The following PLCL1 variants were observed in gnomAD, a reference collection of about 807,000 sequenced individuals.
PLCL1 encodes the protein phospholipase C like 1 (inactive), also known as inactive phospholipase C-like protein 1.
In PLCL1, 41 loss-of-function variants were observed where a neutral mutation model predicts 84.4. The ratio of observed to expected loss-of-function variants is 0.49; its 90% confidence interval spans 0.38 to 0.63. The LOEUF is 0.63. Ranked by LOEUF, PLCL1 falls within the 30% of genes least tolerant of loss-of-function variation. The probability of loss-of-function intolerance (pLI) is 0.00; values close to 1 mark genes in which losing one functional copy is unlikely to be tolerated. For synonymous variants in PLCL1, 490 were observed against 488.3 expected, an observed-to-expected ratio of 1.00 and a Z score of -0.05; for missense variants, 1,206 against 1,367.8, an observed-to-expected ratio of 0.88 and a Z score of 1.87.
At chr2:197,896,606 G>C (rs1390253719) in intron 1 of PLCL1, among the ~76,000 whole-genome samples, 1 of 152,030 alleles carries the variant, frequency 6.6e-6, no homozygotes, top group African/African-American at 2.4e-5. Flanking sequence ...ATGTGAGAAT[G>C]GTGCTTAACA....
intron 1 of PLCL1, among the ~76,000 whole-genome samples, chr2:197,968,703 C>A (rs956533475): frequency 1.3e-5 from 2 of 152,114 alleles, no homozygotes; most frequent in African/African-American, 4.8e-5. Context: ...GTACAGGATG[C>A]TGATTAGGAA....
rs148957561 is a variant in PLCL1 at position 197,915,640 on chromosome 2, C to A, written c.240+110301C>A. Among the ~76,000 whole-genome samples, 89 of 152,078 alleles carry A rather than the reference C, an allele frequency of 5.9e-4. 4 individuals are homozygous for A. The South Asian group carries it at 0.014, about 24-fold the overall frequency. ...TTCTTCATAGCATGTGCTCCTTTCA[C>A]AGAAGCAGCTTGTTAATCGTCAGGA... On this transcript the variant is annotated intron_variant, in intron 1 of 5. Transcript: ENST00000428675.
At chr2:197,905,015 C>A (rs10198606) in intron 1 of PLCL1, among the ~76,000 whole-genome samples, 9 of 152,084 alleles carry the variant, frequency 5.9e-5, no homozygotes, top group Non-Finnish European at 1.0e-4. Flanking sequence ...CCATAGGTGA[C>A]TCTGATAAAG....
intron 1 of PLCL1, among the ~76,000 whole-genome samples, chr2:198,015,967 T>C (rs1277813313): frequency 6.6e-6 from 1 of 152,238 alleles, no homozygotes; most frequent in Non-Finnish European, 1.5e-5. Context: ...CTTTCTAAAT[T>C]ACAATAGATT....
intron 1 of PLCL1, among the ~76,000 whole-genome samples, chr2:197,900,489 G>C (rs1377142543): frequency 6.6e-6 from 1 of 152,188 alleles, no homozygotes; most frequent in African/African-American, 2.4e-5. Flanking sequence ...TATTGTCCAA[G>C]AGTATAAATA....
In PLCL1 at chr2:197,992,463, C is replaced by T. The variant is rs568463353; in HGVS notation, c.241-91295C>T. 3.6e-4 allele frequency among the ~76,000 whole-genome samples: 54 copies of T among 152,046 alleles called. 1 individual carries two copies. The South Asian group carries it at 0.011, about 31-fold the overall frequency. ...TGTTTTTTGTAGAGACAGGGTTTTG[C>T]CATGTTGCCCAGGCTGGTCTCAAAC... On this transcript the variant is annotated intron_variant, in intron 1 of 5. Coordinates refer to ENST00000428675, the MANE Select transcript of PLCL1 (RefSeq NM_006226.4).
chr2:197,950,032 G>A (rs1689358279), intron 1 of PLCL1, among the ~76,000 whole-genome samples: 1 of 152,052 alleles, frequency 6.6e-6, no homozygotes, highest in African/African-American at 2.4e-5. Context: ...CAGAAACTTG[G>A]GGCAGAGCTT....
At chr2:198,001,869 T>A in intron 1 of PLCL1, 1 of 273,102 alleles carries the variant, frequency 3.7e-6, no homozygotes, top group Non-Finnish European at 7.5e-6. Flanking sequence ...TATTGTGAAC[T>A]GTGCGTGTGA....
At chr2:197,901,000 T>G (rs535309496) in intron 1 of PLCL1, among the ~76,000 whole-genome samples, 225 of 152,310 alleles carry the variant, frequency 1.5e-3, no homozygotes, top group Non-Finnish European at 2.5e-3. Flanking sequence ...GAAAAAAATC[T>G]CTAAACTAGG....
At chr2:197,873,525 C>T (rs1365923874) in intron 1 of PLCL1, among the ~76,000 whole-genome samples, 2 of 152,102 alleles carry the variant, frequency 1.3e-5, no homozygotes, top group Non-Finnish European at 2.9e-5. Context: ...AGCAAGCATG[C>T]TGGCTTTGCT....
At chr2:197,847,796 A>G (rs557731217) in intron 1 of PLCL1, among the ~76,000 whole-genome samples, 53 of 152,272 alleles carry the variant, frequency 3.5e-4, no homozygotes, top group Non-Finnish European at 1.6e-4. Flanking sequence ...CTGTCTCCCT[A>G]TTGTATTTGT....
At chr2:198,048,925 GT>G (rs1455296071) in intron 1 of PLCL1, among the ~76,000 whole-genome samples, 1 of 152,252 alleles carries the variant, frequency 6.6e-6, no homozygotes, top group Non-Finnish European at 1.5e-5. Flanking sequence ...AGCATGGTTT[GT>G]GTAGAAGAAG....
chr2:198,010,801 A>AT lies in PLCL1; in HGVS notation c.241-72945dup, dbSNP rs560435492. ...CTGGGATTTTCTCTTTTGGAAGGTT[A>AT]TTTTTTTTTTTTATTACTGCTTCAA... On this transcript the variant is annotated intron_variant, in intron 1 of 5. Transcript: ENST00000428675. Among the ~76,000 whole-genome samples the AT allele has an allele frequency of 3.6e-3, 484 of 135,216 alleles. 4 individuals carry two copies. Among genetic ancestry groups the AT allele is most frequent in the African/African-American group, 6.6e-3 (216 of 32,866 alleles). The allele number at this position is 135,216 out of a possible 152,430, so 88.7% of individuals were successfully genotyped here.
At chr2:197,847,312 G>T (rs1482493874) in intron 1 of PLCL1, among the ~76,000 whole-genome samples, 1 of 152,064 alleles carries the variant, frequency 6.6e-6, no homozygotes, top group African/African-American at 2.4e-5. Context: ...CAATATGAAA[G>T]AACATATAAT....
chr2:197,837,688 G>A (rs1292806064), intron 1 of PLCL1, among the ~76,000 whole-genome samples: 1 of 152,148 alleles, frequency 6.6e-6, no homozygotes, highest in Non-Finnish European at 1.5e-5. Context: ...TGAGTGGATT[G>A]GTTTCAGTGC....
At chr2:197,931,989 C>G (rs181725106) in intron 1 of PLCL1, among the ~76,000 whole-genome samples, 2 of 152,232 alleles carry the variant, frequency 1.3e-5, no homozygotes, top group East Asian at 3.9e-4. Context: ...TAGAGCAGAA[C>G]TGGACTATTT....
At chr2:197,898,618 G>GTACC (rs1688201620) in intron 1 of PLCL1, among the ~76,000 whole-genome samples, 1 of 151,476 alleles carries the variant, frequency 6.6e-6, no homozygotes, top group Non-Finnish European at 1.5e-5. Flanking sequence ...TATCTGACAA[G>GTACC]TACCTGTTCA....
rs189285212 is a variant in PLCL1 at position 197,834,594 on chromosome 2, A to T, written c.240+29255A>T. ...TAAAGAATTGCAAATCAAAACCACA[A>T]TGAGATACCATCTCACGCCAGTTAG... is the stretch of plus-strand genomic sequence containing the variant. On this transcript the variant is annotated intron_variant, in intron 1 of 5. Coordinates refer to ENST00000428675, the MANE Select transcript of PLCL1 (RefSeq NM_006226.4). Among the ~76,000 whole-genome samples, 390 of 152,354 alleles carry T rather than the reference A, an allele frequency of 2.6e-3. 5 individuals are homozygous for T. The highest frequency in any genetic ancestry group is 9.1e-3 in the African/African-American group (377 of 41,582).
At chr2:198,093,679 G>A (rs965009759) in intron 3 of PLCL1, among the ~76,000 whole-genome samples, 1 of 151,388 alleles carries the variant, frequency 6.6e-6, no homozygotes, top group Non-Finnish European at 1.5e-5. Flanking sequence ...TGCCATCCAA[G>A]AGGAAAAATT....
Sources: allele counts gnomAD v4.1 joint callset (sites outside exome capture counted in the v4.1 genomes callset), GRCh38; gene constraint gnomAD v4.1.1; transcripts MANE v1.5; gene names NCBI Gene and HGNC (gene_info 2026-07-23, HGNC 2026-07-21).